Variants in EFNA5 observed in about 807,000 individuals in gnomAD.
The protein encoded by EFNA5 is ephrin-A5.
In EFNA5, 5 loss-of-function variants were observed where a neutral mutation model predicts 22.9. The ratio of observed to expected loss-of-function variants is 0.22; its 90% CI spans 0.11 to 0.46. The LOEUF (loss-of-function observed/expected upper bound fraction) is 0.46. EFNA5 is among the 20% of genes least tolerant of loss of function. The pLI is 0.99. For missense variants in EFNA5, 237 were observed against 293.3 expected (o/e 0.81, Z 1.40); for synonymous variants, 113 against 112.2 (o/e 1.01, Z -0.04).
At chr5:107,526,622 C>T (rs1269498062) in intron 1 of EFNA5, among the ~76,000 whole-genome samples, 1 of 152,108 alleles carries the variant, frequency 6.6e-6, no homozygotes, top group African/African-American at 2.4e-5. Flanking sequence ...ATTAGTTTCC[C>T]AAGTGAAAAG....
intron 1 of EFNA5, among the ~76,000 whole-genome samples, chr5:107,556,951 G>A (rs562769405): frequency 6.6e-6 from 1 of 151,582 alleles, no homozygotes; most frequent in South Asian, 2.1e-4. Context: ...TCTCATTCAG[G>A]TCCCTCCAGC....
intron 2 of EFNA5, among the ~76,000 whole-genome samples, chr5:107,419,234 T>C (rs1748590036): frequency 6.6e-6 from 1 of 152,256 alleles, no homozygotes; most frequent in Non-Finnish European, 1.5e-5. Context: ...ATATCCTCTT[T>C]CATGTTCTTT....
At chr5:107,474,644 G>A (rs1237058263) in intron 1 of EFNA5, among the ~76,000 whole-genome samples, 1 of 152,130 alleles carries the variant, frequency 6.6e-6, no homozygotes, top group Non-Finnish European at 1.5e-5. Context: ...TCCTGTTGAA[G>A]GGCGTATCTT....
chr5:107,413,399 TCTAA>T (rs1748421399), intron 2 of EFNA5, among the ~76,000 whole-genome samples: 1 of 152,128 alleles, frequency 6.6e-6, no homozygotes, highest in Non-Finnish European at 1.5e-5. Flanking sequence ...TTCATCAGAC[TCTAA>T]CTGACATCAG....
intron 2 of EFNA5, among the ~76,000 whole-genome samples, chr5:107,417,758 A>T (rs1381353198): frequency 6.6e-6 from 1 of 152,306 alleles, no homozygotes; most frequent in East Asian, 1.9e-4. Flanking sequence ...AAATTTCTAC[A>T]TATCTCTGGC....
chr5:107,610,509 C>T (rs997378729), intron 1 of EFNA5, among the ~76,000 whole-genome samples: 2 of 152,340 alleles, frequency 1.3e-5, no homozygotes, highest in African/African-American at 4.8e-5. Context: ...TTAGACTCAA[C>T]ATGATACTTT....
At chr5:107,539,142 G>A (rs1216434477) in intron 1 of EFNA5, among the ~76,000 whole-genome samples, 2 of 152,194 alleles carry the variant, frequency 1.3e-5, no homozygotes, top group Non-Finnish European at 1.5e-5. Flanking sequence ...CTTTGAATGT[G>A]GTCCTGATCA....
chr5:107,395,756 A>C (rs1446000600), intron 2 of EFNA5, among the ~76,000 whole-genome samples: 1 of 152,192 alleles, frequency 6.6e-6, no homozygotes, highest in African/African-American at 2.4e-5. Context: ...ATCTGACAAA[A>C]CAAAACAAGA....
At chr5:107,402,499 A>T (rs1317699122) in intron 2 of EFNA5, among the ~76,000 whole-genome samples, 1 of 152,230 alleles carries the variant, frequency 6.6e-6, no homozygotes, top group African/African-American at 2.4e-5. Context: ...ACAGTCTGAA[A>T]GATGTAAACA....
intron 1 of EFNA5, among the ~76,000 whole-genome samples, chr5:107,504,201 T>A (rs939090587): frequency 2.6e-5 from 4 of 152,282 alleles, no homozygotes; most frequent in Non-Finnish European, 4.4e-5. Flanking sequence ...GGGTATTTTT[T>A]AAATTAACTA....
intron 1 of EFNA5, among the ~76,000 whole-genome samples, chr5:107,533,338 C>A (rs1438388929): frequency 6.6e-6 from 1 of 152,072 alleles, no homozygotes; most frequent in Non-Finnish European, 1.5e-5. Context: ...ATGAGCAGAA[C>A]ACTTTAGTGC....
At chr5:107,512,355 AAAC>A (rs1386527278) in intron 1 of EFNA5, among the ~76,000 whole-genome samples, 1 of 113,516 alleles carries the variant, frequency 8.8e-6, no homozygotes, top group African/African-American at 4.3e-5. Context: ...GGGCAAAACA[AAAC>A]AAACAAAACA....
chr5:107,445,807 T>C (rs1037255659), intron 1 of EFNA5, among the ~76,000 whole-genome samples: 2 of 152,234 alleles, frequency 1.3e-5, no homozygotes, highest in Non-Finnish European at 2.9e-5. Context: ...CTAATCCTTC[T>C]TGTGGCACCT....
At chr5:107,440,149 A>C (rs1478795226) in intron 1 of EFNA5, among the ~76,000 whole-genome samples, 1 of 152,196 alleles carries the variant, frequency 6.6e-6, no homozygotes, top group East Asian at 1.9e-4. Flanking sequence ...AGATATATGC[A>C]AGAAAAATGC....
chr5:107,661,566 T>C (rs1750961842), intron 1 of EFNA5, among the ~76,000 whole-genome samples: 1 of 152,234 alleles, frequency 6.6e-6, no homozygotes, highest in Non-Finnish European at 1.5e-5. Context: ...GTCTGTATTT[T>C]CTTGCCCTGA....
chr5:107,663,878 T>TTTC (rs1193735825), intron 1 of EFNA5, among the ~76,000 whole-genome samples: 2 of 152,148 alleles, frequency 1.3e-5, no homozygotes, highest in Non-Finnish European at 2.9e-5. Flanking sequence ...ACAGTAACAT[T>TTTC]TTCTTCAACC....
chr5:107,605,147 G>T (rs982031209), intron 1 of EFNA5, among the ~76,000 whole-genome samples: 1 of 151,786 alleles, frequency 6.6e-6, no homozygotes, highest in African/African-American at 2.4e-5. Context: ...GCTCGGGGGT[G>T]GGGATGGGGG....
chr5:107,633,380 G>C (rs1253182764), intron 1 of EFNA5, among the ~76,000 whole-genome samples: 1 of 152,190 alleles, frequency 6.6e-6, no homozygotes, highest in Admixed American at 6.5e-5. Context: ...AGCAAGAAGG[G>C]AAAAGTCTCC....
chr5:107,483,921 A>G (rs1750550284), intron 1 of EFNA5, among the ~76,000 whole-genome samples: 1 of 152,174 alleles, frequency 6.6e-6, no homozygotes, highest in South Asian at 2.1e-4. Context: ...TTACTCCCTG[A>G]GAGAGACACT....
Sources: allele counts gnomAD v4.1 joint callset (sites outside exome capture counted in the v4.1 genomes callset), GRCh38; gene constraint gnomAD v4.1.1; transcripts MANE v1.5; gene names NCBI Gene and HGNC (gene_info 2026-07-23, HGNC 2026-07-21).